Variants in USP48 observed in about 807,000 individuals in gnomAD.
The protein encoded by USP48 is ubiquitin specific peptidase 48, also known as ubiquitin carboxyl-terminal hydrolase 48.
A neutral mutation model predicts 150.7 loss-of-function variants in USP48; 43 were observed. That is an observed-to-expected ratio of 0.29 (90% CI 0.22 to 0.37). USP48 has a LOEUF of 0.37. Ranked by LOEUF, USP48 falls within the 10% of genes least tolerant of loss-of-function variation. The pLI is 1.00. For missense variants in USP48, 813 were observed against 1,249.6 expected, an observed-to-expected ratio of 0.65 and a Z score of 5.27; for synonymous variants, 396 against 425.9, an observed-to-expected ratio of 0.93 and a Z score of 0.86.
At chr1:21,721,557 A>T in intron 13 of USP48, 93 bp downstream of exon 13, 1 of 894,928 alleles carries the variant, frequency 1.1e-6, no homozygotes, top group Non-Finnish European at 1.6e-6. Context: ...TAAAAATCCC[A>T]ACTTCCTATT....
intron 1 of USP48, among the ~76,000 whole-genome samples, chr1:21,771,245 A>G (rs1263209517): frequency 6.6e-6 from 1 of 151,886 alleles, no homozygotes; most frequent in African/African-American, 2.4e-5. Context: ...GTGGTGGTGC[A>G]CACCTGTAGT....
chr1:21,773,790 G>T (rs907145236), intron 1 of USP48, among the ~76,000 whole-genome samples: 4 of 151,978 alleles, frequency 2.6e-5, no homozygotes, highest in Non-Finnish European at 4.4e-5. Flanking sequence ...AGCACGGGTT[G>T]TATTATCAAA....
chr1:21,705,616 AC>A, intron 19 of USP48, 110 bp downstream of exon 19: 2 of 760,472 alleles, frequency 2.6e-6, no homozygotes, highest in Non-Finnish European at 4.0e-6. Flanking sequence ...TCAGCAAAGG[AC>A]TAAATTCTTA....
intron 6 of USP48, among the ~76,000 whole-genome samples, chr1:21,749,839 A>T (rs753140177): frequency 2.6e-5 from 4 of 152,198 alleles, no homozygotes; most frequent in South Asian, 4.2e-4. Context: ...CTGTTCTCAA[A>T]TGATCCTACT....
intron 1 of USP48, among the ~76,000 whole-genome samples, chr1:21,775,679 C>G (rs899482882): frequency 6.6e-6 from 1 of 152,138 alleles, no homozygotes; most frequent in African/African-American, 2.4e-5. Flanking sequence ...TGATGTTTCC[C>G]TAATGAGAAC....
chr1:21,783,073 A>T lies in USP48; in HGVS notation c.-116T>A, dbSNP rs1012116424. ...AGCAAGGAGGACCTGGCGCTCCTTCAGGCAGCTGGCCAGTCAATCACCTGT... is the reference window on the plus strand; with the variant it reads ...AGCAAGGAGGACCTGGCGCTCCTTCTGGCAGCTGGCCAGTCAATCACCTGT... On this transcript the variant is annotated 5_prime_UTR_variant, in exon 1 of 27. Transcript: ENST00000308271. 5.6e-5 allele frequency: 76 copies of T among 1,360,816 alleles called. No individual in the cohort carries two copies. The highest frequency in any genetic ancestry group is 3.8e-6 in the Non-Finnish European group (4 of 1,054,914). 84.3% of individuals were successfully genotyped at this position (1,360,816 alleles called of 1,614,324 possible). A position where few individuals can be genotyped will look rare whatever the true frequency, so the allele number is the denominator to read the frequency against.
At chr1:21,681,810 T>C (rs2097566624) in intron 25 of USP48, among the ~76,000 whole-genome samples, 1 of 152,200 alleles carries the variant, frequency 6.6e-6, no homozygotes, top group Non-Finnish European at 1.5e-5. Flanking sequence ...TGGTAACTAC[T>C]GAATTACTGA....
Position 21,715,380 on chromosome 1 carries a change from C to T in USP48, c.1963+9G>A. On this transcript the variant is annotated intron_variant, in intron 15 of 26. Coordinates refer to ENST00000308271, the MANE Select transcript of USP48 (RefSeq NM_032236.8). ...AATAAAACAGAATTCATTTATGCTT[C>T]TAGCTTACCATGTGGACACAGAATA... 5 of 1,581,192 alleles carry T rather than the reference C, an allele frequency of 3.2e-6. No individual in the cohort carries two copies. Among genetic ancestry groups the T allele is most frequent in the Non-Finnish European group, 4.3e-6 (5 of 1,155,994 alleles).
chr1:21,687,816 C>T (rs768564536), intron 24 of USP48, among the ~76,000 whole-genome samples: 63 of 152,200 alleles, frequency 4.1e-4, no homozygotes, highest in Non-Finnish European at 7.5e-4. Context: ...ACAATACAGG[C>T]TGTTTTAGGA....
intron 12 of USP48, 51 bp downstream of exon 12, chr1:21,723,847 G>C: frequency 6.6e-7 from 1 of 1,506,374 alleles, no homozygotes; most frequent in Non-Finnish European, 9.1e-7. Flanking sequence ...ACCATAAGAT[G>C]AAGATTTAAT....
At chr1:21,711,680 C>T (rs1221044520) in intron 15 of USP48, among the ~76,000 whole-genome samples, 1 of 152,146 alleles carries the variant, frequency 6.6e-6, no homozygotes. Context: ...GTGAAACAAG[C>T]CAGCTGGGGC....
At chr1:21,700,471 A>G (rs2097652185) in intron 22 of USP48, among the ~76,000 whole-genome samples, 1 of 152,230 alleles carries the variant, frequency 6.6e-6, no homozygotes, top group Admixed American at 6.5e-5. Flanking sequence ...CAATGTTAAA[A>G]ATGAAGTAAC....
At position 21,728,593 on chromosome 1, in the gene USP48, T is replaced by A. The variant is rs769048021; in HGVS notation, c.1427A>T (p.Tyr476Phe). The change falls in exon 11 of 27, where the codon TAC becomes TTC. Residue 476 changes from tyrosine (Y) to phenylalanine (F), a missense_variant. Tyr to Phe is a conservative substitution (Grantham distance 22). Coordinates refer to ENST00000308271, the MANE Select transcript of USP48 (RefSeq NM_032236.8). ...KAKHEEVKEL[Y>F]QRLPAGAEPY... ...ACCAGCTCCAGCAGGTAACCTTTGG[T>A]ACAGCTCCTTAACCTCTTCGTGTTT... The A allele has an allele frequency of 3.1e-6, 5 of 1,614,168 alleles. No individual in the cohort carries two copies.
At chr1:21,693,510 G>T (rs948286679) in intron 23 of USP48, among the ~76,000 whole-genome samples, 1 of 152,164 alleles carries the variant, frequency 6.6e-6, no homozygotes, top group African/African-American at 2.4e-5. Flanking sequence ...GCACCTCTGG[G>T]GGCTGTGTGA....
At chr1:21,692,424 T>C (rs942007444) in intron 23 of USP48, among the ~76,000 whole-genome samples, 2 of 152,184 alleles carry the variant, frequency 1.3e-5, no homozygotes, top group African/African-American at 4.8e-5. Context: ...ACATGGATAA[T>C]GTCACAGCTG....
At chr1:21,707,556 G>A (rs760856251) in intron 15 of USP48, among the ~76,000 whole-genome samples, 2 of 152,000 alleles carry the variant, frequency 1.3e-5, no homozygotes, top group Admixed American at 1.3e-4. Context: ...ACTAGTCACC[G>A]CCACCCTGCC....
At chr1:21,733,261 C>CA (rs2097761282) in intron 9 of USP48, among the ~76,000 whole-genome samples, 1 of 152,006 alleles carries the variant, frequency 6.6e-6, no homozygotes, top group Admixed American at 6.6e-5. Flanking sequence ...ACTAAAAATA[C>CA]AAAAAATTGG....
intron 15 of USP48, among the ~76,000 whole-genome samples, chr1:21,712,320 T>C (rs561996432): frequency 2.6e-4 from 39 of 152,200 alleles, no homozygotes; most frequent in Non-Finnish European, 4.0e-4. Context: ...GACTGCACCA[T>C]TGCGCTCCAG....
rs753487122 is a variant in USP48, at chr1:21,721,631, T to C, written c.1763+19A>G. On this transcript the variant is annotated intron_variant, in intron 13 of 26. Transcript: ENST00000308271. ...AAACTTCTTAGTTTATCATTAACAA[T>C]GTACACTGTGCAACATACCCCTTTA... 1.6e-5 allele frequency: 23 copies of C among 1,463,532 alleles called. No individual in the cohort carries two copies. The highest frequency in any genetic ancestry group is 1.8e-4 in the Middle Eastern group (1 of 5,548). 90.7% of individuals were successfully genotyped at this position (1,463,532 alleles called of 1,614,324 possible).
Sources: gnomAD v4.1 joint callset for allele counts (sites outside exome capture counted in the v4.1 genomes callset) on GRCh38, gnomAD v4.1.1 for gene constraint, MANE v1.5 for transcripts, NCBI Gene and HGNC (gene_info 2026-07-23, HGNC 2026-07-21) for gene names.